Variants in CCDC13 observed in about 807,000 individuals in gnomAD.
The protein encoded by CCDC13 is coiled-coil domain containing 13, also known as coiled-coil domain-containing protein 13.
In CCDC13, 70 loss-of-function variants were observed where a neutral mutation model predicts 87.3. The observed-to-expected ratio is 0.80, with a 90% CI of 0.66 to 0.98. The LOEUF is 0.98. Ranked by LOEUF, CCDC13 falls within the 50% of genes least tolerant of loss-of-function variation. The probability of loss-of-function intolerance (pLI) is 0.00; values close to 1 mark genes in which losing one functional copy is unlikely to be tolerated. For synonymous variants in CCDC13, 317 were observed against 360.3 expected, an observed-to-expected ratio of 0.88 and a Z score of 1.36; for missense variants, 842 against 892.0, an observed-to-expected ratio of 0.94 and a Z score of 0.71.
At chr3:42,713,364 C>CA in intron 13 of CCDC13, 48 bp from the exon 14 acceptor site, 1 of 1,600,292 alleles carries the variant, frequency 6.2e-7, no homozygotes, top group Non-Finnish European at 8.5e-7. Context: ...CAGGCAGGGG[C>CA]AGGCCCTACC....
intron 13 of CCDC13, 85 bp from the exon 14 acceptor site, chr3:42,713,401 G>A (rs1698359712): frequency 7.2e-7 from 1 of 1,380,468 alleles, no homozygotes; most frequent in African/African-American, 1.4e-5. Context: ...TTAGAGAGAT[G>A]GGCACATCTT....
At chr3:42,705,108 T>C (rs1698145607), downstream of CCDC13, among the ~76,000 whole-genome samples, 2 of 152,076 alleles carry the variant, frequency 1.3e-5, no homozygotes, top group South Asian at 2.1e-4. Flanking sequence ...CGTACATACG[T>C]GTGTATATGT....
At chr3:42,740,709 G>A (rs1166091203) in intron 8 of CCDC13, among the ~76,000 whole-genome samples, 1 of 152,184 alleles carries the variant, frequency 6.6e-6, no homozygotes, top group Non-Finnish European at 1.5e-5. Context: ...GAAGGTGTGT[G>A]GCTGGAGCAC....
intron 13 of CCDC13, among the ~76,000 whole-genome samples, chr3:42,723,902 A>C (rs1362518351): frequency 6.6e-6 from 1 of 152,232 alleles, no homozygotes; most frequent in Non-Finnish European, 1.5e-5. Context: ...CAATATACTA[A>C]GTAAAATAAG....
At position 42,733,703 on chromosome 3, in the gene CCDC13, G is replaced by A. The variant is rs756738913; in HGVS notation, c.1372-94C>T. The A allele has an allele frequency of 3.2e-5, 47 of 1,454,730 alleles. No homozygotes were observed. The Middle Eastern group carries it at 7.7e-4, about 24-fold the overall frequency. The allele number at this position is 1,454,730 out of a possible 1,614,324, so 90.1% of individuals were successfully genotyped here. A position where few individuals can be genotyped will look rare whatever the true frequency, so the allele number is the denominator to read the frequency against. On this transcript the variant is annotated intron_variant, in intron 10 of 15. Coordinates refer to ENST00000310232, the MANE Select transcript of CCDC13 (RefSeq NM_144719.4). ...TCTTGGCTTGATTTCGGGGCTTTCA[G>A]AGGATATGAAAGAGGCTTCTTTTCA...
chr3:42,723,319 A>G (rs1698611171), intron 13 of CCDC13, among the ~76,000 whole-genome samples: 1 of 152,146 alleles, frequency 6.6e-6, no homozygotes, highest in Non-Finnish European at 1.5e-5. Flanking sequence ...AAGGACTCAT[A>G]TGATTAGGTC....
chr3:42,709,474 TTGGACTA>T (rs1698250809), intron 15 of CCDC13, among the ~76,000 whole-genome samples: 2 of 152,244 alleles, frequency 1.3e-5, no homozygotes, highest in Admixed American at 6.5e-5. Context: ...AAAATTTCTC[TTGGACTA>T]TGGGTCATTG....
At chr3:42,716,453 C>G (rs1698431875) in intron 13 of CCDC13, among the ~76,000 whole-genome samples, 1 of 151,932 alleles carries the variant, frequency 6.6e-6, no homozygotes, top group South Asian at 2.1e-4. Flanking sequence ...TGGCTTGAAA[C>G]AATAAAAAAT....
chr3:42,709,061 G>A lies in CCDC13; in HGVS notation c.2067C>T (p.Phe689=), dbSNP rs1178600513. The change falls in exon 16 of 16, where the codon TTC becomes TTT. Residue 689 remains phenylalanine (F), a synonymous_variant. Transcript: ENST00000310232. ...GGCCCAGGATCTCATGGTACATCCG[G>A]AAGTCCTCCTCCTTTCCCCGCAGGG... is the stretch of plus-strand genomic sequence containing the variant. ...GSALRGKEED[F]RMYHEILGQV... 1 of 1,614,070 alleles carries A rather than the reference G, an allele frequency of 6.2e-7. No homozygotes were observed. Among genetic ancestry groups the A allele is most frequent in the East Asian group, 2.2e-5 (1 of 44,878 alleles).
Position 42,739,872 on chromosome 3 carries a change from C to A in CCDC13, c.988-62G>T. The stretch of plus-strand genomic sequence containing the variant: ...GTGTGGGACCTTGGCCACATCTGCT[C>A]CCTGGCTCCTACTCAATGGCAAGGC... On this transcript the variant is annotated intron_variant, in intron 8 of 15. Transcript: ENST00000310232. 3 of 1,507,808 alleles carry A rather than the reference C, an allele frequency of 2.0e-6. No individual in the cohort carries two copies. The South Asian group carries it at 3.6e-5, about 18-fold the overall frequency. The allele number at this position is 1,507,808 out of a possible 1,614,324, so 93.4% of individuals were successfully genotyped here.
At chr3:42,716,486 C>T (rs1698432670) in intron 13 of CCDC13, among the ~76,000 whole-genome samples, 1 of 152,170 alleles carries the variant, frequency 6.6e-6, no homozygotes, top group Admixed American at 6.5e-5. Flanking sequence ...TAAAGAGCTA[C>T]TACAACTCAA....
At chr3:42,734,778 A>C (rs543030701) in intron 10 of CCDC13, among the ~76,000 whole-genome samples, 2 of 152,330 alleles carry the variant, frequency 1.3e-5, no homozygotes, top group African/African-American at 4.8e-5. Context: ...ATGCCTGTCA[A>C]GAAATTCTCC....
intron 14 of CCDC13, among the ~76,000 whole-genome samples, chr3:42,710,431 A>G (rs1306962503): frequency 1.3e-5 from 2 of 152,130 alleles, no homozygotes; most frequent in African/African-American, 4.8e-5. Context: ...GCCCGAGTCT[A>G]GACTGTCACT....
chr3:42,708,952 C>A lies in CCDC13; in HGVS notation c.*28G>T. 6.3e-7 allele frequency: 1 copy of A among 1,593,158 alleles called. No individual in the cohort carries two copies. The highest frequency in any genetic ancestry group is 8.5e-7 in the Non-Finnish European group (1 of 1,170,284). On this transcript the variant is annotated 3_prime_UTR_variant, in exon 16 of 16. Coordinates refer to ENST00000310232, the MANE Select transcript of CCDC13 (RefSeq NM_144719.4). ...CCTCTCAAGACCTGAGGCTGCCCACCCGGCCAGGCCGACACTGGGCTGTCA... is the reference window on the plus strand; with the variant it reads ...CCTCTCAAGACCTGAGGCTGCCCACACGGCCAGGCCGACACTGGGCTGTCA...
intron 13 of CCDC13, 93 bp downstream of exon 13, chr3:42,730,374 T>C: frequency 6.6e-7 from 1 of 1,526,234 alleles, no homozygotes. Context: ...AGCCGAGCTC[T>C]CAGGTGAGGA....
intron 1 of CCDC13, among the ~76,000 whole-genome samples, chr3:42,771,235 T>C (rs192834770): frequency 6.6e-6 from 1 of 152,216 alleles, no homozygotes; most frequent in Non-Finnish European, 1.5e-5. Flanking sequence ...AATTGCAAAC[T>C]GTATAATATT....
At chr3:42,728,244 G>A (rs1473665165) in intron 13 of CCDC13, among the ~76,000 whole-genome samples, 2 of 152,238 alleles carry the variant, frequency 1.3e-5, no homozygotes, top group Non-Finnish European at 2.9e-5. Flanking sequence ...TTCCACTGCA[G>A]GGTGGGGTGG....
At chr3:42,730,327 T>G in intron 13 of CCDC13, 140 bp downstream of exon 13, 85 of 1,204,910 alleles carry the variant, frequency 7.1e-5, no homozygotes, top group South Asian at 9.4e-5. Flanking sequence ...GTGGGGCGCA[T>G]GAGTTGTGGC....
At position 42,752,030 on chromosome 3, in the gene CCDC13, A is replaced by G; in HGVS notation, c.514-5T>C. On this transcript the variant is annotated splice_region_variant and splice_polypyrimidine_tract_variant and intron_variant, in intron 4 of 15. Transcript: ENST00000310232. ...CCTGGTCAGGGCTGTCTGCAGCTGA[A>G]AAAGCAAACCTCGTGCTTAATACTC... 1 of 1,603,924 alleles carries G rather than the reference A, an allele frequency of 6.2e-7. No homozygotes were observed. Among genetic ancestry groups the G allele is most frequent in the Non-Finnish European group, 8.5e-7 (1 of 1,179,762 alleles).
Sources: allele counts gnomAD v4.1 joint callset (sites outside exome capture counted in the v4.1 genomes callset), GRCh38; gene constraint gnomAD v4.1.1; transcripts MANE v1.5; gene names NCBI Gene and HGNC (gene_info 2026-07-23, HGNC 2026-07-21).